LMBRD1: variants seen among roughly 807,000 people sequenced by gnomAD.
LMBRD1 encodes lysosomal cobalamin transport escort protein LMBD1.
In LMBRD1, 64 loss-of-function variants were observed where a neutral mutation model predicts 74.8. The ratio of observed to expected loss-of-function variants is 0.86; its 90% CI spans 0.70 to 1.05. The LOEUF is 1.05. Among genes scored for constraint, LMBRD1 ranks in the 50% least tolerant of loss-of-function variants. The pLI is 0.00. For missense variants in LMBRD1, 652 were observed against 645.9 expected (o/e 1.01, Z -0.10); for synonymous variants, 204 against 216.3 (o/e 0.94, Z 0.50).
chr6:69,679,068 AAAC>A (rs1409270065), intron 14 of LMBRD1, among the ~76,000 whole-genome samples: 8 of 129,436 alleles, frequency 6.2e-5, no homozygotes, highest in Non-Finnish European at 1.1e-4. Context: ...AAAAACAAAC[AAAC>A]AAAAAAAATC....
intron 14 of LMBRD1, among the ~76,000 whole-genome samples, 162 bp downstream of exon 14, chr6:69,697,401 T>G (rs192429661): frequency 1.3e-5 from 2 of 152,234 alleles, no homozygotes; most frequent in Admixed American, 6.5e-5. Context: ...GCAAATCCTT[T>G]CATCAACAAG....
chr6:69,685,018 C>T (rs1017801930), intron 14 of LMBRD1, among the ~76,000 whole-genome samples: 1 of 152,068 alleles, frequency 6.6e-6, no homozygotes, highest in African/African-American at 2.4e-5. Context: ...AAGGAACTTA[C>T]ATTTCTATAA....
At chr6:69,793,003 A>T (rs909232327) in intron 1 of LMBRD1, among the ~76,000 whole-genome samples, 2 of 152,200 alleles carry the variant, frequency 1.3e-5, no homozygotes, top group African/African-American at 4.8e-5. Context: ...CTACAATATA[A>T]AATAAAACCA....
At position 69,696,440 on chromosome 6, in the gene LMBRD1, C is replaced by T. The variant is rs983650666; in HGVS notation, c.1417+1123G>A. Among the ~76,000 whole-genome samples the T allele has an allele frequency of 4.6e-5, 7 of 152,272 alleles. No homozygotes were observed. In the South Asian group the frequency reaches 1.5e-3, roughly 32 times the overall value. ...TTCTACTTTCTTACTTCAAACACTT[C>T]ATTACCTCTTTAGTCACTTTCTAAA... On this transcript the variant is annotated intron_variant, in intron 14 of 15. Coordinates refer to ENST00000649934, the MANE Select transcript of LMBRD1 (RefSeq NM_018368.4).
chr6:69,750,854 A>T (rs980886304), intron 4 of LMBRD1, among the ~76,000 whole-genome samples: 1 of 152,128 alleles, frequency 6.6e-6, no homozygotes, highest in African/African-American at 2.4e-5. Flanking sequence ...TCTAGGAGTC[A>T]TTTAAAATAC....
intron 12 of LMBRD1, among the ~76,000 whole-genome samples, chr6:69,700,274 A>C (rs1030345491): frequency 6.6e-6 from 1 of 151,920 alleles, no homozygotes; most frequent in African/African-American, 2.4e-5. Flanking sequence ...TTATCTCAAA[A>C]TAAGCATTTG....
At chr6:69,755,448 C>T (rs1244188123) in intron 3 of LMBRD1, among the ~76,000 whole-genome samples, 4 of 151,566 alleles carry the variant, frequency 2.6e-5, no homozygotes, top group African/African-American at 4.9e-5. Flanking sequence ...GGGTCAAGGC[C>T]GGGGGAGAGC....
At chr6:69,740,062 T>C (rs1034428949) in intron 6 of LMBRD1, among the ~76,000 whole-genome samples, 4 of 152,130 alleles carry the variant, frequency 2.6e-5, no homozygotes, top group African/African-American at 9.7e-5. Flanking sequence ...GCCACGATCA[T>C]GCCACTGCAC....
chr6:69,782,491 T>C (rs544053672), intron 2 of LMBRD1, among the ~76,000 whole-genome samples: 1 of 152,312 alleles, frequency 6.6e-6, no homozygotes, highest in South Asian at 2.1e-4. Context: ...CCCAGCACTC[T>C]AGAAGGCTGA....
intron 7 of LMBRD1, among the ~76,000 whole-genome samples, chr6:69,727,836 C>T (rs1766768891): frequency 6.6e-6 from 1 of 152,034 alleles, no homozygotes; most frequent in Non-Finnish European, 1.5e-5. Flanking sequence ...TTTTCCTATC[C>T]TTATTATCAT....
intron 7 of LMBRD1, among the ~76,000 whole-genome samples, chr6:69,723,695 T>A (rs1766666030): frequency 6.6e-6 from 1 of 151,706 alleles, no homozygotes; most frequent in Admixed American, 6.6e-5. Context: ...AAATTACAGC[T>A]CTAAGTGCCT....
chr6:69,722,681 A>G (rs543441719), intron 7 of LMBRD1, among the ~76,000 whole-genome samples: 2 of 152,280 alleles, frequency 1.3e-5, no homozygotes, highest in South Asian at 4.2e-4. Context: ...AAATTAAATA[A>G]CATACAACGA....
intron 3 of LMBRD1, among the ~76,000 whole-genome samples, chr6:69,767,923 T>G (rs1392395022): frequency 6.6e-6 from 1 of 151,972 alleles, no homozygotes; most frequent in African/African-American, 2.4e-5. Flanking sequence ...TTCTGTCATT[T>G]TAATGATTAA....
intron 9 of LMBRD1, among the ~76,000 whole-genome samples, chr6:69,709,168 A>G (rs1766327972): frequency 6.6e-6 from 1 of 152,040 alleles, no homozygotes; most frequent in African/African-American, 2.4e-5. Context: ...TGGGAGGCGG[A>G]GCTTGCGGTG....
At chr6:69,676,594 T>C (rs921508569) in intron 14 of LMBRD1, 53 bp from the exon 15 acceptor site, 65 of 1,296,828 alleles carry the variant, frequency 5.0e-5, no homozygotes, top group Non-Finnish European at 7.1e-5. Flanking sequence ...ATAAAATTGA[T>C]GATTAATACT....
chr6:69,743,104 A>T (rs1361502413), intron 5 of LMBRD1, among the ~76,000 whole-genome samples: 1 of 152,200 alleles, frequency 6.6e-6, no homozygotes, highest in East Asian at 1.9e-4. Flanking sequence ...TATATTACAC[A>T]TCCATAACAG....
chr6:69,778,636 C>A (rs190652383), intron 3 of LMBRD1, among the ~76,000 whole-genome samples: 1 of 152,062 alleles, frequency 6.6e-6, no homozygotes, highest in African/African-American at 2.4e-5. Flanking sequence ...AGGTGACAGA[C>A]CTCCCCCCCT....
intron 8 of LMBRD1, among the ~76,000 whole-genome samples, chr6:69,717,092 T>C (rs924635901): frequency 1.9e-4 from 29 of 152,042 alleles, no homozygotes; most frequent in Non-Finnish European, 2.1e-4. Context: ...GTTCTCGACA[T>C]ATATTATTAT....
intron 5 of LMBRD1, among the ~76,000 whole-genome samples, chr6:69,748,577 A>G (rs1350289409): frequency 7.9e-5 from 12 of 152,126 alleles, no homozygotes; most frequent in Admixed American, 7.2e-4. Context: ...ACATGTAATA[A>G]GTAATTTTTT....
Sources: gnomAD v4.1 joint callset for allele counts (sites outside exome capture counted in the v4.1 genomes callset) on GRCh38, gnomAD v4.1.1 for gene constraint, MANE v1.5 for transcripts, NCBI Gene and HGNC (gene_info 2026-07-23, HGNC 2026-07-21) for gene names.